The following MRE11 variants were observed in gnomAD, a reference collection of about 807,000 sequenced individuals.
The protein encoded by MRE11 is double-strand break repair protein MRE11.
A neutral mutation model predicts 91.7 loss-of-function variants in MRE11; 62 were observed. The observed-to-expected ratio is 0.68, with a 90% CI of 0.55 to 0.84. The LOEUF is 0.84. MRE11 is among the 40% of genes least tolerant of loss of function. The pLI, the probability that MRE11 is intolerant of heterozygous loss-of-function variation, is 0.00. For synonymous variants in MRE11, 273 were observed against 271.4 expected (o/e 1.01, Z -0.06); for missense variants, 796 against 852.9 (o/e 0.93, Z 0.83).
chr11:94,463,256 G>A (rs1460689900), intron 11 of MRE11, among the ~76,000 whole-genome samples: 1 of 152,158 alleles, frequency 6.6e-6, no homozygotes, highest in East Asian at 1.9e-4. Flanking sequence ...AGTTAGAATG[G>A]CGATCATTAA....
chr11:94,483,406 T>C (rs1591714617), intron 4 of MRE11, among the ~76,000 whole-genome samples: 2 of 152,298 alleles, frequency 1.3e-5, no homozygotes, highest in Middle Eastern at 3.4e-3. Flanking sequence ...CCACGTGTTA[T>C]GGGAGGGGCC....
intron 4 of MRE11, among the ~76,000 whole-genome samples, chr11:94,484,471 T>A (rs939057511): frequency 1.3e-5 from 2 of 152,224 alleles, no homozygotes; most frequent in African/African-American, 2.4e-5. Flanking sequence ...ATTACTTTGG[T>A]GGTTTTAACT....
intron 15 of MRE11, 24 bp downstream of exon 15, chr11:94,447,195 C>T: frequency 6.2e-7 from 1 of 1,605,340 alleles, no homozygotes; most frequent in Non-Finnish European, 8.5e-7. Flanking sequence ...TGTGAATGTG[C>T]ACAGGACTGA....
At chr11:94,504,052 A>G in the MRE11 span, among the ~76,000 whole-genome samples, 3 of 152,184 alleles carry the variant, frequency 2.0e-5, no homozygotes, top group African/African-American at 7.2e-5. Flanking sequence ...ACATGAACTC[A>G]TTTATAGGCA....
At chr11:94,474,982 C>T (rs968550251) in intron 7 of MRE11, among the ~76,000 whole-genome samples, 3 of 152,232 alleles carry the variant, frequency 2.0e-5, no homozygotes, top group Admixed American at 6.5e-5. Flanking sequence ...CTCTGGCCTG[C>T]CCCTCCTTTG....
intron 17 of MRE11, among the ~76,000 whole-genome samples, chr11:94,436,627 C>T (rs1307059666): frequency 2.0e-5 from 3 of 152,184 alleles, no homozygotes; most frequent in South Asian, 2.1e-4. Context: ...AGTATTGGCT[C>T]GGGAGTTAAG....
At chr11:94,469,022 A>T (rs955005525) in intron 9 of MRE11, among the ~76,000 whole-genome samples, 5 of 152,214 alleles carry the variant, frequency 3.3e-5, no homozygotes, top group Non-Finnish European at 7.3e-5. Context: ...GAAGACACTC[A>T]CATGCTTATA....
upstream of MRE11, chr11:94,494,036 GT>G (rs1947369427): frequency 6.6e-6 from 1 of 152,448 alleles, no homozygotes; most frequent in South Asian, 2.1e-4. Context: ...CTTCTGTCAG[GT>G]GGGTTGTTAT....
the MRE11 span, among the ~76,000 whole-genome samples, chr11:94,500,712 A>C: frequency 1.3e-5 from 2 of 152,252 alleles, no homozygotes; most frequent in East Asian, 3.9e-4. Context: ...TGCTTTTATG[A>C]ATCTTAAATA....
At chr11:94,428,327 C>A (rs189897862) in intron 19 of MRE11, among the ~76,000 whole-genome samples, 8 of 152,264 alleles carry the variant, frequency 5.3e-5, no homozygotes, top group Admixed American at 2.0e-4. Flanking sequence ...GCTAGGATAA[C>A]CGGCTAGCAA....
At position 94,418,921 on chromosome 11, in the gene MRE11, GAC is replaced by G. The variant is rs775802565; in HGVS notation, c.*1202_*1203del. Reference sequence around the variant, plus strand: ...TTATAATTTGACACATTCCAGGTATGACTATTCTAATGGTCATGAGTATCACT... The same window carrying G: ...TTATAATTTGACACATTCCAGGTATGTATTCTAATGGTCATGAGTATCACT... On this transcript the variant is annotated 3_prime_UTR_variant, in exon 20 of 20. Coordinates refer to ENST00000323929, the MANE Select transcript of MRE11 (RefSeq NM_005591.4). 3.9e-5 allele frequency: 9 copies of G among 230,858 alleles called. No homozygotes were observed. The highest frequency in any genetic ancestry group is 6.9e-5 in the Non-Finnish European group (8 of 116,692). The allele number at this position is 230,858 out of a possible 1,614,324, so 14.3% of individuals were successfully genotyped here. A position where few individuals can be genotyped will look rare whatever the true frequency, so the allele number is the denominator to read the frequency against.
intron 14 of MRE11, among the ~76,000 whole-genome samples, chr11:94,448,814 A>G (rs903467923): frequency 1.3e-5 from 2 of 152,336 alleles, no homozygotes; most frequent in Non-Finnish European, 2.9e-5. Context: ...AATAAAATAT[A>G]AATAAAAGCA....
At position 94,415,823 on chromosome 11, in the gene MRE11, T is replaced by C. The variant is rs1461758439; in HGVS notation, c.*4302A>G. On this transcript the variant is annotated 3_prime_UTR_variant, in exon 20 of 20. Coordinates refer to ENST00000323929, the MANE Select transcript of MRE11 (RefSeq NM_005591.4). ...GGGTTCTTATCGATTGATGGATAGA[T>C]TGATTGAGACAGAGTCTTGCTCTGT... The C allele has an allele frequency of 6.6e-6, 1 of 152,240 alleles. No individual in the cohort carries two copies. Among genetic ancestry groups the C allele is most frequent in the Non-Finnish European group, 1.5e-5 (1 of 68,074 alleles). The allele number at this position is 152,240 out of a possible 1,614,324, so 9.4% of individuals were successfully genotyped here.
At chr11:94,501,389 C>T in the MRE11 span, among the ~76,000 whole-genome samples, 2 of 152,096 alleles carry the variant, frequency 1.3e-5, no homozygotes, top group South Asian at 4.2e-4. Context: ...TTATGGCACA[C>T]AAACATAGAT....
At chr11:94,458,041 T>TC (rs35847449) in intron 13 of MRE11, among the ~76,000 whole-genome samples, 55,097 of 151,778 alleles carry the variant, frequency 0.36, 10,107 homozygotes, top group Middle Eastern at 0.47. Flanking sequence ...ACATCCAGAG[T>TC]CATAGAGTGA....
chr11:94,460,762 A>G (rs1946392737), intron 12 of MRE11, among the ~76,000 whole-genome samples, 174 bp downstream of exon 12: 1 of 152,232 alleles, frequency 6.6e-6, no homozygotes, highest in Non-Finnish European at 1.5e-5. Context: ...ATTAAACACT[A>G]ATTTTCCCTG....
At chr11:94,446,323 CTT>C (rs1945930167) in intron 15 of MRE11, among the ~76,000 whole-genome samples, 1 of 152,160 alleles carries the variant, frequency 6.6e-6, no homozygotes, top group Non-Finnish European at 1.5e-5. Context: ...AGGAGAATTG[CTT>C]GAACCTGGGA....
upstream of MRE11, chr11:94,497,288 T>A (rs1158346947): frequency 2.2e-6 from 1 of 463,140 alleles, no homozygotes; most frequent in African/African-American, 2.0e-5. Context: ...TTTTATTTAA[T>A]CATCATGTAT....
the MRE11 span, among the ~76,000 whole-genome samples, chr11:94,510,625 T>G: frequency 6.6e-6 from 1 of 152,164 alleles, no homozygotes; most frequent in African/African-American, 2.4e-5. Context: ...GAATAACTTT[T>G]TGGAAATTAT....
Sources: allele counts gnomAD v4.1 joint callset (sites outside exome capture counted in the v4.1 genomes callset), GRCh38; gene constraint gnomAD v4.1.1; transcripts MANE v1.5; gene names NCBI Gene and HGNC (gene_info 2026-07-23, HGNC 2026-07-21).